USP9X: variants seen among roughly 807,000 people sequenced by gnomAD.
The protein encoded by USP9X is ubiquitin carboxyl-terminal hydrolase 9X.
In USP9X, 7 loss-of-function variants were observed where a neutral mutation model predicts 190.3. The ratio of observed to expected loss-of-function variants is 0.04; its 90% CI spans 0.02 to 0.07. USP9X has a LOEUF of 0.07. USP9X is among the 10% of genes least tolerant of loss of function. USP9X has a pLI of 1.00. For missense variants in USP9X, 1,010 were observed against 1,916.9 expected (o/e 0.53, Z 8.83); for synonymous variants, 645 against 659.5 (o/e 0.98, Z 0.34).
chrX:41,111,357 G>A (rs546936408), intron 1 of USP9X, among the ~76,000 whole-genome samples: 25 of 111,962 alleles, frequency 2.2e-4, no homozygotes, highest in African/African-American at 7.1e-4. Context: ...AGACTCCCCA[G>A]CCTCCAGAAC....
At chrX:41,167,614 T>A (rs761785946) in intron 17 of USP9X, 37 bp downstream of exon 17, 11 of 1,010,770 alleles carry the variant, frequency 1.1e-5, no homozygotes, top group Non-Finnish European at 1.5e-5. Flanking sequence ...CCATATATAA[T>A]TCTTTCGGCC....
intron 1 of USP9X, among the ~76,000 whole-genome samples, chrX:41,099,108 T>G (rs973567917): frequency 2.2e-5 from 2 of 89,599 alleles, no homozygotes; most frequent in South Asian, 5.5e-4. Flanking sequence ...TTTTTTTTTT[T>G]TTTTTTTTTT....
chrX:41,197,981 TCCAGCCTGAA>T (rs1190290802), intron 29 of USP9X, among the ~76,000 whole-genome samples: 4 of 111,954 alleles, frequency 3.6e-5, no homozygotes, highest in Non-Finnish European at 7.5e-5. Context: ...ACCACTGCAC[TCCAGCCTGAA>T]GGAACAGAGC....
At chrX:41,136,311 C>T (rs1420087403) in intron 5 of USP9X, among the ~76,000 whole-genome samples, 1 of 111,712 alleles carries the variant, frequency 9.0e-6, no homozygotes, top group African/African-American at 3.3e-5. Context: ...CAGGCACATG[C>T]CAGCACACGT....
chrX:41,217,385 G>T (rs765079107), intron 36 of USP9X, 42 bp downstream of exon 36: 1 of 1,155,983 alleles, frequency 8.7e-7, no homozygotes, highest in East Asian at 3.1e-5. Flanking sequence ...ACTAATGTTT[G>T]GTTTGCTTCT....
rs34179321 is a variant in USP9X at position 41,099,096 on chromosome X, G to GTTTTTTTTTTTTT, written c.-159+13001_-159+13013dup. On this transcript the variant is annotated intron_variant, in intron 1 of 44. Transcript: ENST00000378308. ...CACATGCCATAATGCCCAGATAATTGTTTTTTTTTTTTTTTTTTTTTTTTT... is the reference window on the plus strand; with the variant it reads ...CACATGCCATAATGCCCAGATAATTGTTTTTTTTTTTTTTTTTTTTTTTTTTTTTTTTTTTTTT... 2.4e-3 allele frequency among the ~76,000 whole-genome samples: 106 copies of GTTTTTTTTTTTTT among 44,264 alleles called. 12 individuals carry two copies. The highest frequency in any genetic ancestry group is 3.9e-3 in the African/African-American group (39 of 9,930). 38.4% of individuals were successfully genotyped at this position (44,264 alleles called of 115,157 possible). A position where few individuals can be genotyped will look rare whatever the true frequency, so the allele number is the denominator to read the frequency against.
At position 41,182,262 on chromosome X, in the gene USP9X, A is replaced by G. The variant is rs142072339; in HGVS notation, c.3149-1736A>G. Among the ~76,000 whole-genome samples the G allele has an allele frequency of 1.1e-3, 125 of 111,218 alleles. 1 individual carries two copies. Among genetic ancestry groups the G allele is most frequent in the African/African-American group, 3.9e-3 (119 of 30,620 alleles). On this transcript the variant is annotated intron_variant, in intron 21 of 44. Transcript: ENST00000378308. ...TGGTGGCACATGCCTGTGGTTCCCA[A>G]CTACTCAGAAGGCTGAGATGGGAGG...
At position 41,174,163 on chromosome X, in the gene USP9X, T is replaced by G. The variant is rs370682158; in HGVS notation, c.3148+2205T>G. On this transcript the variant is annotated intron_variant, in intron 21 of 44. Transcript: ENST00000378308. Reference sequence around the variant, plus strand: ...TTGTTGTAAACACACCCTATGATGTTCACACAATGATGAAATCACTTAATG... The same window carrying G: ...TTGTTGTAAACACACCCTATGATGTGCACACAATGATGAAATCACTTAATG... Among the ~76,000 whole-genome samples, 30 of 112,173 alleles carry G rather than the reference T, an allele frequency of 2.7e-4. No individual in the cohort carries two copies. The East Asian group carries it at 7.3e-3, about 27-fold the overall frequency.
chrX:41,210,105 A>G (rs1359285270), intron 32 of USP9X, among the ~76,000 whole-genome samples: 1 of 112,371 alleles, frequency 8.9e-6, no homozygotes, highest in Non-Finnish European at 1.9e-5. Flanking sequence ...AGCAAAATGA[A>G]AGAAATAAAA....
At chrX:41,205,887 CTTTTTTTCTTTTTTT>C (rs2063089137) in intron 32 of USP9X, among the ~76,000 whole-genome samples, 1 of 87,147 alleles carries the variant, frequency 1.1e-5, no homozygotes, top group Non-Finnish European at 2.4e-5. Flanking sequence ...TTTTCTTTTT[CTTTTTTTCTTTTTTT>C]TTTTTGAGAT....
chrX:41,183,958 C>T lies in USP9X; in HGVS notation c.3149-40C>T, dbSNP rs780142108. 3.7e-5 allele frequency: 44 copies of T among 1,173,917 alleles called. No homozygotes were observed. The South Asian group carries it at 5.2e-4, about 14-fold the overall frequency. ...ATCAAAAGTTAAATATGTATGAACACATGAATTACATTTTCACACTGTCTC... is the reference window on the plus strand; with the variant it reads ...ATCAAAAGTTAAATATGTATGAACATATGAATTACATTTTCACACTGTCTC... On this transcript the variant is annotated intron_variant, in intron 21 of 44. Transcript: ENST00000378308.
At chrX:41,144,379 G>A (rs909961992) in intron 10 of USP9X, 143 bp from the exon 11 acceptor site, 21 of 487,383 alleles carry the variant, frequency 4.3e-5, no homozygotes, top group Non-Finnish European at 6.0e-5. Context: ...GCCACTGTGC[G>A]GGCTGTGTTA....
chrX:41,166,253 G>A (rs1380697681), intron 16 of USP9X, 39 bp downstream of exon 16: 4 of 987,654 alleles, frequency 4.1e-6, no homozygotes, highest in Admixed American at 6.1e-5. Context: ...GGTGTCTGAT[G>A]TACTTTTTCA....
intron 11 of USP9X, among the ~76,000 whole-genome samples, chrX:41,145,824 T>C (rs1328143587): frequency 8.9e-6 from 1 of 111,813 alleles, no homozygotes; most frequent in Non-Finnish European, 1.9e-5. Context: ...CAGTAGGTAC[T>C]GAAGCCCAAG....
In USP9X at chrX:41,235,988, T is replaced by G. The variant is rs2063396469; in HGVS notation, c.*3464T>G. On this transcript the variant is annotated 3_prime_UTR_variant, in exon 45 of 45. Coordinates refer to ENST00000378308, the MANE Select transcript of USP9X (RefSeq NM_001039591.3). ...AGCTTATGTTTTCCCATGAGCTATT[T>G]TACTTTGCTGAATTTTGTGGGTAAT... The G allele has an allele frequency of 8.9e-6, 1 of 111,788 alleles. No individual in the cohort carries two copies. Among genetic ancestry groups the G allele is most frequent in the Non-Finnish European group, 1.9e-5 (1 of 53,101 alleles). 9.2% of individuals were successfully genotyped at this position (111,788 alleles called of 1,213,427 possible). A position where few individuals can be genotyped will look rare whatever the true frequency, so the allele number is the denominator to read the frequency against.
chrX:41,133,928 A>G (rs1280768345), intron 4 of USP9X, among the ~76,000 whole-genome samples: 2 of 112,061 alleles, frequency 1.8e-5, no homozygotes, highest in Admixed American at 1.9e-4. Flanking sequence ...CAATATACTG[A>G]TTTTCTTTCT....
In USP9X at chrX:41,162,975, C is replaced by T. The variant is rs1375972967; in HGVS notation, c.1985+98C>T. On this transcript the variant is annotated intron_variant, in intron 15 of 44. Transcript: ENST00000378308. ...CTTGGTCTTTGTTGGGTGGCCTTTT[C>T]CCAAGTCCCCAAGTCATGTAAGACA... 6.3e-6 allele frequency: 3 copies of T among 477,653 alleles called. No individual in the cohort carries two copies. The African/African-American group carries it at 7.4e-5, about 12-fold the overall frequency. 39.4% of individuals were successfully genotyped at this position (477,653 alleles called of 1,213,427 possible).
rs1706656198 is a variant in USP9X, at chrX:41,233,734, A to G, written c.*1210A>G. The G allele has an allele frequency of 1.8e-5, 2 of 112,352 alleles. No homozygotes were observed. Among genetic ancestry groups the G allele is most frequent in the South Asian group, 7.3e-4 (2 of 2,728 alleles). The allele number at this position is 112,352 out of a possible 1,213,427, so 9.3% of individuals were successfully genotyped here. The stretch of plus-strand genomic sequence containing the variant: ...ACGTTCAAAGCAGGGTCTCATTAAA[A>G]AAGAAACTACTGGTTGATATAATTG... On this transcript the variant is annotated 3_prime_UTR_variant, in exon 45 of 45. Coordinates refer to ENST00000378308, the MANE Select transcript of USP9X (RefSeq NM_001039591.3).
rs749316355 is a variant in USP9X, at chrX:41,221,723, C to G, written c.6566-1494C>G. 1.3e-4 allele frequency among the ~76,000 whole-genome samples: 15 copies of G among 111,240 alleles called. No homozygotes were observed. The South Asian group carries it at 5.7e-3, about 43-fold the overall frequency. On this transcript the variant is annotated intron_variant, in intron 38 of 44. Coordinates refer to ENST00000378308, the MANE Select transcript of USP9X (RefSeq NM_001039591.3). ...GGATGAGCCATTGTAGGGTTTTGAA[C>G]AGATAATACCATCTAGAAAGAGCAC... is the stretch of plus-strand genomic sequence containing the variant.
Sources: gnomAD v4.1 joint callset for allele counts (sites outside exome capture counted in the v4.1 genomes callset) on GRCh38, gnomAD v4.1.1 for gene constraint, MANE v1.5 for transcripts, NCBI Gene and HGNC (gene_info 2026-07-23, HGNC 2026-07-21) for gene names.